Variants in SPMIP5 observed in about 807,000 individuals in gnomAD.
SPMIP5 encodes sperm microtubule inner protein 5, also known as sperm-associated microtubule inner protein 5.
the SPMIP5 span, among the ~76,000 whole-genome samples, chr10:116,669,367 T>TG: frequency 6.6e-6 from 1 of 152,164 alleles, no homozygotes; most frequent in African/African-American, 2.4e-5. Flanking sequence ...CTCTAACCCC[T>TG]GGCATCACGT....
At chr10:116,665,771 G>A in the SPMIP5 span, 1 of 1,614,170 alleles carries the variant, frequency 6.2e-7, no homozygotes, top group East Asian at 2.2e-5. Flanking sequence ...TTTTCACACA[G>A]TGGTTCATGT....
At chr10:116,665,857 A>G in the SPMIP5 span, 3 of 1,573,784 alleles carry the variant, frequency 1.9e-6, no homozygotes, top group African/African-American at 4.0e-5. Context: ...CACAGCCTTC[A>G]GCAAGACTGG....
At chr10:116,664,619 T>C in the SPMIP5 span, 2 of 1,458,816 alleles carry the variant, frequency 1.4e-6, no homozygotes, top group Non-Finnish European at 1.8e-6. Context: ...GCCCTGAAAC[T>C]ACAAATGAGG....
At chr10:116,664,884 G>A in the SPMIP5 span, 78 of 1,614,068 alleles carry the variant, frequency 4.8e-5, no homozygotes, top group Non-Finnish European at 6.3e-5. Context: ...CTTGGCTCTC[G>A]GCAGGTAGCC....
chr10:116,668,933 G>GCGCGCACACACACACA, the SPMIP5 span, among the ~76,000 whole-genome samples: 2 of 135,282 alleles, frequency 1.5e-5, no homozygotes, highest in Admixed American at 1.5e-4. Flanking sequence ...GCACACACAT[G>GCGCGCACACACACACA]CACACACACA....
At chr10:116,663,691 T>C in the SPMIP5 span, 1 of 536,278 alleles carries the variant, frequency 1.9e-6, no homozygotes, top group Non-Finnish European at 3.2e-6. Context: ...CAAGAAACTT[T>C]AGCATGCGGA....
At chr10:116,665,731 C>G in the SPMIP5 span, 1 of 1,614,158 alleles carries the variant, frequency 6.2e-7, no homozygotes. Context: ...CGCAGCTGTT[C>G]TTTATAGCGC....
the SPMIP5 span, chr10:116,663,959 T>C: frequency 6.5e-7 from 1 of 1,538,760 alleles, no homozygotes; most frequent in East Asian, 2.4e-5. Context: ...ATCTTCCCAC[T>C]GCATGGTATA....
the SPMIP5 span, chr10:116,665,615 CA>C: frequency 3.1e-6 from 5 of 1,612,132 alleles, no homozygotes; most frequent in Non-Finnish European, 3.4e-6. Context: ...TACCCAGGAT[CA>C]GGGGGTGGTA....
chr10:116,667,128 AG>A, the SPMIP5 span, among the ~76,000 whole-genome samples: 1 of 152,132 alleles, frequency 6.6e-6, no homozygotes, highest in Non-Finnish European at 1.5e-5. Context: ...GTCCTTATAG[AG>A]GAAAGAAGAG....
chr10:116,666,206 C>A, the SPMIP5 span, among the ~76,000 whole-genome samples: 1 of 152,128 alleles, frequency 6.6e-6, no homozygotes, highest in Non-Finnish European at 1.5e-5. Flanking sequence ...GCTTATTTTC[C>A]TCGACACTTC....
chr10:116,664,843 TG>T, the SPMIP5 span: 2 of 1,614,136 alleles, frequency 1.2e-6, no homozygotes, highest in South Asian at 2.2e-5. Context: ...GCCATGACAG[TG>T]TATCTCGTGC....
the SPMIP5 span, chr10:116,663,869 C>G: frequency 2.0e-6 from 3 of 1,490,076 alleles, no homozygotes; most frequent in Admixed American, 4.7e-5. Flanking sequence ...TTTGGAAGCC[C>G]CACTTAAAGT....
the SPMIP5 span, chr10:116,665,876 G>A: frequency 1.3e-6 from 2 of 1,514,154 alleles, no homozygotes; most frequent in Non-Finnish European, 1.8e-6. Flanking sequence ...GGCCAGCAAG[G>A]AATTCAGAGC....
At chr10:116,669,419 G>C in the SPMIP5 span, among the ~76,000 whole-genome samples, 105 of 152,236 alleles carry the variant, frequency 6.9e-4, 2 homozygotes, top group Middle Eastern at 3.2e-3. Flanking sequence ...GAGTCAGACA[G>C]ACCTGGCTGT....
At chr10:116,665,779 T>C in the SPMIP5 span, 25 of 1,614,176 alleles carry the variant, frequency 1.5e-5, no homozygotes, top group East Asian at 8.9e-5. Context: ...CAGTGGTTCA[T>C]GTCATCCTCC....
At chr10:116,664,949 T>C in the SPMIP5 span, 1 of 1,609,994 alleles carries the variant, frequency 6.2e-7, no homozygotes, top group Non-Finnish European at 8.5e-7. Flanking sequence ...ATTTGCATTC[T>C]GTAAAAAGAC....
At chr10:116,666,755 C>T in the SPMIP5 span, among the ~76,000 whole-genome samples, 1 of 152,148 alleles carries the variant, frequency 6.6e-6, no homozygotes, top group African/African-American at 2.4e-5. Flanking sequence ...TTATGAAGAC[C>T]CTAGGGGCTT....
chr10:116,663,806 A>G, the SPMIP5 span: 7 of 1,328,238 alleles, frequency 5.3e-6, no homozygotes, highest in Non-Finnish European at 3.9e-6. Flanking sequence ...AATTCTTGTT[A>G]CTAAATTTCT....
Sources: gnomAD v4.1 joint callset for allele counts (sites outside exome capture counted in the v4.1 genomes callset) on GRCh38, gnomAD v4.1.1 for gene constraint, MANE v1.5 for transcripts, NCBI Gene and HGNC (gene_info 2026-07-23, HGNC 2026-07-21) for gene names.